ZBTB43: variants seen among roughly 807,000 people sequenced by gnomAD.
ZBTB43 encodes zinc finger and BTB domain containing 43.
Under a neutral mutation model 31.1 loss-of-function variants are expected in ZBTB43, and 6 were observed. The ratio of observed to expected loss-of-function variants is 0.19; its 90% CI spans 0.11 to 0.38. ZBTB43 has a LOEUF of 0.38. ZBTB43 is among the 10% of genes least tolerant of loss of function. ZBTB43 has a pLI of 1.00. For synonymous variants in ZBTB43, 212 were observed against 221.7 expected, an observed-to-expected ratio of 0.96 and a Z score of 0.39; for missense variants, 379 against 602.1, an observed-to-expected ratio of 0.63 and a Z score of 3.88.
At chr9:126,823,492 G>A (rs913126373) in intron 2 of ZBTB43, among the ~76,000 whole-genome samples, 28 of 152,078 alleles carry the variant, frequency 1.8e-4, no homozygotes, top group South Asian at 6.2e-4. Flanking sequence ...TCTTTGTGTC[G>A]TTATATCTAA....
chr9:126,833,912 A>G lies in ZBTB43; in HGVS notation c.1403A>G (p.Ter468=). The G allele has an allele frequency of 1.9e-6, 3 of 1,572,910 alleles. No homozygotes were observed. The highest frequency in any genetic ancestry group is 2.6e-6 in the Non-Finnish European group (3 of 1,150,838). ...KAEQNTTEAN[*] is the part of the protein sequence containing the mutation. ...GAGCAGAATACAACTGAGGCTAACT[A>G]AAAATAGGATCTGGCCCTTGAGTGG... The change falls in exon 3 of 3, where the codon TAA becomes TGA. Residue 468 remains the stop codon, a stop_retained_variant. Coordinates refer to ENST00000373464, the MANE Select transcript of ZBTB43 (RefSeq NM_014007.4). The surrounding 1 kb of genome is among the most constrained non-coding windows in gnomAD (Gnocchi z 7.9).
intron 2 of ZBTB43, among the ~76,000 whole-genome samples, chr9:126,810,468 C>T (rs1477196117): frequency 6.8e-6 from 1 of 146,364 alleles, no homozygotes; most frequent in African/African-American, 2.5e-5. Context: ...GCTGGGATTA[C>T]AGGCATGAGC....
At chr9:126,818,425 T>C (rs1336761057) in intron 2 of ZBTB43, among the ~76,000 whole-genome samples, 1 of 152,036 alleles carries the variant, frequency 6.6e-6, no homozygotes, top group East Asian at 1.9e-4. Context: ...ATGGCCGTTG[T>C]GTAGAGACAG....
chr9:126,812,503 A>T (rs995478494), intron 2 of ZBTB43, among the ~76,000 whole-genome samples: 9 of 152,218 alleles, frequency 5.9e-5, no homozygotes, highest in African/African-American at 1.7e-4. Context: ...TGCTTTCCAC[A>T]GTAGCTGTAC....
At chr9:126,809,646 A>G (rs1233676929) in intron 2 of ZBTB43, among the ~76,000 whole-genome samples, 1 of 152,162 alleles carries the variant, frequency 6.6e-6, no homozygotes, top group African/African-American at 2.4e-5. Flanking sequence ...AAACTCATCA[A>G]AGTTGGAAGG....
At chr9:126,807,926 T>G (rs1262691010) in intron 1 of ZBTB43, among the ~76,000 whole-genome samples, 2 of 152,198 alleles carry the variant, frequency 1.3e-5, no homozygotes, top group Admixed American at 6.5e-5. Flanking sequence ...TGTGAGCCAC[T>G]GCGCTGGGCC....
intron 2 of ZBTB43, among the ~76,000 whole-genome samples, chr9:126,814,305 G>T (rs966511498): frequency 6.6e-6 from 1 of 151,654 alleles, no homozygotes; most frequent in Non-Finnish European, 1.5e-5. Context: ...AATTTTTACA[G>T]ATGAAATTTA....
rs377338114 is a variant in ZBTB43 at position 126,829,407 on chromosome 9, A to G, written c.-23-3080A>G. On this transcript the variant is annotated intron_variant, in intron 2 of 2. Coordinates refer to ENST00000373464, the MANE Select transcript of ZBTB43 (RefSeq NM_014007.4). The stretch of plus-strand genomic sequence containing the variant: ...CCCCTGCCAACTGAAATTCTGTAAG[A>G]GGAGAACTGCTTACATTACGATACA... Among the ~76,000 whole-genome samples the G allele has an allele frequency of 2.0e-5, 3 of 152,236 alleles. No homozygotes were observed. The East Asian group carries it at 5.8e-4, about 29-fold the overall frequency.
At chr9:126,816,521 A>G (rs1456770578) in intron 2 of ZBTB43, among the ~76,000 whole-genome samples, 1 of 152,166 alleles carries the variant, frequency 6.6e-6, no homozygotes, top group Admixed American at 6.5e-5. Flanking sequence ...TCTTTTTGAT[A>G]TTCTGGAATA....
At chr9:126,815,808 C>T (rs1046434989) in intron 2 of ZBTB43, among the ~76,000 whole-genome samples, 103 of 152,102 alleles carry the variant, frequency 6.8e-4, no homozygotes, top group African/African-American at 2.4e-3. Context: ...ATTCCCACCC[C>T]CACCTCAGTA....
At chr9:126,818,273 C>A (rs942705815) in intron 2 of ZBTB43, among the ~76,000 whole-genome samples, 8 of 150,414 alleles carry the variant, frequency 5.3e-5, no homozygotes, top group African/African-American at 1.7e-4. Context: ...CAGCTGTGCA[C>A]CACTATTCCT....
chr9:126,831,972 A>C (rs1004624653), intron 2 of ZBTB43: 1 of 152,030 alleles, frequency 6.6e-6, no homozygotes, highest in African/African-American at 2.4e-5. Flanking sequence ...AAAAAAAAAA[A>C]AAACTAGCTG....
At chr9:126,813,762 T>C (rs1303083224) in intron 2 of ZBTB43, among the ~76,000 whole-genome samples, 2 of 152,224 alleles carry the variant, frequency 1.3e-5, no homozygotes, top group Non-Finnish European at 2.9e-5. Flanking sequence ...TTGTAGGGTT[T>C]TTTTTGTTGT....
chr9:126,836,122 T>G lies in ZBTB43; in HGVS notation c.*2209T>G, dbSNP rs369554437. ...ACTATTTACATGATCATTAGGACATTGCAGGAGAAGTCTGAGAGGTAAAAA... is the reference window on the plus strand; with the variant it reads ...ACTATTTACATGATCATTAGGACATGGCAGGAGAAGTCTGAGAGGTAAAAA... On this transcript the variant is annotated 3_prime_UTR_variant, in exon 3 of 3. Coordinates refer to ENST00000373464, the MANE Select transcript of ZBTB43 (RefSeq NM_014007.4). 1 of 167,120 alleles carries G rather than the reference T, an allele frequency of 6.0e-6. No individual in the cohort carries two copies. The highest frequency in any genetic ancestry group is 2.4e-5 in the African/African-American group (1 of 41,450). The allele number at this position is 167,120 out of a possible 1,614,324, so 10.4% of individuals were successfully genotyped here.
chr9:126,821,396 AAC>A (rs1485306052), intron 2 of ZBTB43, among the ~76,000 whole-genome samples: 4 of 152,050 alleles, frequency 2.6e-5, no homozygotes, highest in African/African-American at 7.3e-5. Context: ...GAAAAAAAGA[AAC>A]ACAAAAAAAA....
chr9:126,829,436 A>C (rs1185281519), intron 2 of ZBTB43, among the ~76,000 whole-genome samples: 2 of 152,248 alleles, frequency 1.3e-5, no homozygotes, highest in Non-Finnish European at 2.9e-5. Flanking sequence ...CGATACATCC[A>C]TATAATAGAA....
chr9:126,833,647 A>T lies in ZBTB43; in HGVS notation c.1138A>T (p.Ser380Cys), dbSNP rs2032820435. Residue 380 changes from serine to cysteine, a missense_variant, in exon 3 of 3, where the codon AGT becomes TGT. Ser to Cys is a moderately radical substitution (Grantham distance 112, BLOSUM62 -1). Transcript: ENST00000373464. The surrounding 1 kb of genome is among the most constrained non-coding windows in gnomAD (Gnocchi z 7.9). ...DKLYPCQCGK[S>C]FTHKSQRDRH... The stretch of plus-strand genomic sequence containing the variant: ...GCTGTATCCTTGTCAGTGTGGGAAA[A>T]GTTTCACTCACAAGAGTCAGAGAGA... 2 of 1,613,324 alleles carry T rather than the reference A, an allele frequency of 1.2e-6. No homozygotes were observed. The highest frequency in any genetic ancestry group is 3.3e-5 in the Admixed American group (2 of 59,982).
intron 1 of ZBTB43, among the ~76,000 whole-genome samples, chr9:126,806,858 T>C (rs915316996): frequency 6.6e-6 from 1 of 152,186 alleles, no homozygotes; most frequent in African/African-American, 2.4e-5. Flanking sequence ...TTCTCAGGCT[T>C]TCTACTTACT....
intron 2 of ZBTB43, among the ~76,000 whole-genome samples, chr9:126,818,171 G>A (rs184445449): frequency 3.5e-4 from 51 of 144,504 alleles, no homozygotes; most frequent in African/African-American, 1.3e-3. Context: ...CACCCAGGCT[G>A]GACTACACTG....
Sources: gnomAD v4.1 joint callset for allele counts (sites outside exome capture counted in the v4.1 genomes callset) on GRCh38, gnomAD v4.1.1 for gene constraint, Gnocchi (gnomAD v3.1) non-coding constraint, MANE v1.5 for transcripts, NCBI Gene and HGNC (gene_info 2026-07-23, HGNC 2026-07-21) for gene names.